Variants in HTT observed in about 807,000 individuals in gnomAD.
The protein encoded by HTT is huntington disease protein.
HTT carries 104 observed loss-of-function variants against 362.3 expected under a neutral mutation model. The observed-to-expected ratio is 0.29, with a 90% CI of 0.24 to 0.34. The LOEUF (loss-of-function observed/expected upper bound fraction) is 0.34, where lower values mean the gene tolerates loss of function less well. Ranked by LOEUF, HTT falls within the 10% of genes least tolerant of loss-of-function variation. The probability of loss-of-function intolerance (pLI) is 1.00; values close to 1 mark genes in which losing one functional copy is unlikely to be tolerated. For missense variants in HTT, 3,301 were observed against 3,928.6 expected (o/e 0.84, Z 4.27); for synonymous variants, 1,577 against 1,548.7 (o/e 1.02, Z -0.43).
intron 26 of HTT, among the ~76,000 whole-genome samples, chr4:3,151,444 T>G (rs930411281): frequency 6.6e-6 from 1 of 151,682 alleles, no homozygotes; most frequent in African/African-American, 2.4e-5. Context: ...GGGGAGTTGC[T>G]ACACAAAGGA....
chr4:3,224,736 G>C (rs1377036179), intron 56 of HTT, among the ~76,000 whole-genome samples: 3 of 152,246 alleles, frequency 2.0e-5, no homozygotes, highest in African/African-American at 2.4e-5. Context: ...TAGCTATTTA[G>C]GAGTTTAAGC....
chr4:3,116,030 G>A lies in HTT; in HGVS notation c.890-55G>A, dbSNP rs1020795763. ...CTCTTCTTTTTTAACAGATTAAGCC[G>A]GGAATCTCCAAACAGTGAGTCAGAT... On this transcript the variant is annotated intron_variant, in intron 7 of 66. Coordinates refer to ENST00000355072, the MANE Select transcript of HTT (RefSeq NM_001388492.1). 7.2e-5 allele frequency: 106 copies of A among 1,479,470 alleles called. No homozygotes were observed. The African/African-American group carries it at 1.1e-3, about 15-fold the overall frequency. The allele number at this position is 1,479,470 out of a possible 1,614,324, so 91.6% of individuals were successfully genotyped here.
rs531331503 is a variant in HTT at position 3,220,588 on chromosome 4, C to G, written c.7369+280C>G. On this transcript the variant is annotated intron_variant, in intron 53 of 66. Coordinates refer to ENST00000355072, the MANE Select transcript of HTT (RefSeq NM_001388492.1). ...TTCATGTGTAGTGGACAACGTGAGACCAAATTCTGCCTTAGATTTTGCATT... is the reference window on the plus strand; with the variant it reads ...TTCATGTGTAGTGGACAACGTGAGAGCAAATTCTGCCTTAGATTTTGCATT... Among the ~76,000 whole-genome samples the G allele has an allele frequency of 4.3e-4, 65 of 152,224 alleles. 2 individuals carry two copies. Among genetic ancestry groups the G allele is most frequent in the Middle Eastern group, 3.4e-3 (1 of 294 alleles).
At chr4:3,239,716 C>T (rs573001374) in intron 66 of HTT, 130 bp from the exon 67 acceptor site, 29 of 705,896 alleles carry the variant, frequency 4.1e-5, no homozygotes, top group African/African-American at 3.4e-4. Context: ...GTGGCCCTTC[C>T]GGGGCTCTGC....
Position 3,240,041 on chromosome 4 carries a change from C to G in HTT, c.9411C>G (p.His3137Gln). ...TGCTGACTTGTTTACGAAATGTCCA[C>G]AAGGTCACCACCTGCTGAGCGCCAT... ...HRLLTCLRNV[H>Q]KVTTC is the part of the protein sequence containing the mutation. Residue 3137 changes from histidine to glutamine, a missense_variant, in exon 67 of 67, where the codon CAC becomes CAG. By Grantham distance (24) the His-to-Gln change is conservative (BLOSUM62 0). Transcript: ENST00000355072. The G allele has an allele frequency of 1.9e-6, 3 of 1,591,782 alleles. No individual in the cohort carries two copies.
chr4:3,173,015 G>C lies in HTT; in HGVS notation c.4050G>C (p.Val1350=). The change falls in exon 31 of 67, where the codon GTG becomes GTC. Residue 1350 remains valine, a synonymous_variant. Transcript: ENST00000355072. ...GRAQRLGSSS[V]RPGLYHYCFM... ...CACAGCGCCTTGGCTCCTCCAGTGT[G>C]AGGCCAGGCTTGTACCACTACTGCT... is the stretch of plus-strand genomic sequence containing the variant. 1.2e-6 allele frequency: 2 copies of C among 1,614,158 alleles called. No homozygotes were observed. Among genetic ancestry groups the C allele is most frequent in the Non-Finnish European group, 1.7e-6 (2 of 1,180,034 alleles).
chr4:3,111,734 C>G (rs1714762603), intron 6 of HTT, among the ~76,000 whole-genome samples: 1 of 152,118 alleles, frequency 6.6e-6, no homozygotes, highest in Non-Finnish European at 1.5e-5. Flanking sequence ...CCCTCTCAAT[C>G]TTTGCCGGAG....
At chr4:3,182,032 T>C (rs900700044) in intron 36 of HTT, among the ~76,000 whole-genome samples, 2 of 152,280 alleles carry the variant, frequency 1.3e-5, no homozygotes, top group Non-Finnish European at 2.9e-5. Context: ...AAGATTAATA[T>C]ACATTTGATT....
intron 41 of HTT, 106 bp from the exon 42 acceptor site, chr4:3,203,901 A>G: frequency 9.3e-7 from 1 of 1,080,952 alleles, no homozygotes; most frequent in Non-Finnish European, 1.4e-6. Context: ...ATTTAAAACA[A>G]CTTGTCTGTT....
chr4:3,085,954 TCCCAGCTATTTG>T (rs1713187633), intron 1 of HTT, among the ~76,000 whole-genome samples: 1 of 152,194 alleles, frequency 6.6e-6, no homozygotes, highest in African/African-American at 2.4e-5. Context: ...GGAGGCTTAT[TCCCAGCTATTTG>T]GGGACATAGA....
At chr4:3,089,408 C>A (rs1578488294) in intron 2 of HTT, among the ~76,000 whole-genome samples, 2 of 152,180 alleles carry the variant, frequency 1.3e-5, no homozygotes, top group African/African-American at 2.4e-5. Flanking sequence ...CACCCGCCAC[C>A]ATGCCTGGCT....
chr4:3,233,803 C>A (rs1721377682), intron 61 of HTT, among the ~76,000 whole-genome samples: 1 of 152,216 alleles, frequency 6.6e-6, no homozygotes, highest in Non-Finnish European at 1.5e-5. Context: ...ACACACGTGT[C>A]CTTGACAAAG....
At chr4:3,196,209 G>A (rs551931166) in intron 40 of HTT, among the ~76,000 whole-genome samples, 3 of 152,204 alleles carry the variant, frequency 2.0e-5, no homozygotes, top group East Asian at 3.9e-4. Context: ...CTTGCTCTCC[G>A]CAGAGAGAGT....
At chr4:3,145,360 A>AT in intron 24 of HTT, 132 bp downstream of exon 24, 1 of 686,366 alleles carries the variant, frequency 1.5e-6, no homozygotes, top group East Asian at 2.6e-5. Flanking sequence ...ATCTGATGGA[A>AT]TACTTGTTTC....
In HTT at chr4:3,229,065, GCCACACACC is replaced by G. The variant is rs1024822321; in HGVS notation, c.8109+65_8109+73del. The G allele has an allele frequency of 6.5e-6, 10 of 1,540,020 alleles. No homozygotes were observed. The African/African-American group carries it at 9.7e-5, about 15-fold the overall frequency. The stretch of plus-strand genomic sequence containing the variant: ...TGCACGTGCCACACGCACCACACAC[GCCACACACC>G]CCACACACACACACCGCCCACACAC... On this transcript the variant is annotated intron_variant, in intron 59 of 66. Coordinates refer to ENST00000355072, the MANE Select transcript of HTT (RefSeq NM_001388492.1).
At chr4:3,101,357 A>T (rs1714145198) in intron 3 of HTT, among the ~76,000 whole-genome samples, 1 of 151,820 alleles carries the variant, frequency 6.6e-6, no homozygotes, top group Non-Finnish European at 1.5e-5. Flanking sequence ...GTTTCCAGCC[A>T]TTTCTCCCTT....
chr4:3,172,595 C>T (rs1718043901), intron 30 of HTT, among the ~76,000 whole-genome samples, 198 bp downstream of exon 30: 2 of 152,198 alleles, frequency 1.3e-5, no homozygotes, highest in African/African-American at 4.8e-5. Flanking sequence ...CGAGGTCTGT[C>T]ACTGTGGAGG....
chr4:3,208,776 C>T lies in HTT; in HGVS notation c.6156C>T (p.His2052=). ...YLQSSGLAQR[H]QRLYSLLDRF... is the part of the protein sequence containing the mutation. Reference sequence around the variant, plus strand: ...TTCATTTTTATTTGTATTTTAGACACCAAAGGCTCTATTCCCTGCTGGACA... The same window carrying T: ...TTCATTTTTATTTGTATTTTAGACATCAAAGGCTCTATTCCCTGCTGGACA... Residue 2052 remains histidine (H), a synonymous_variant, in exon 46 of 67, where the codon CAC becomes CAT. Coordinates refer to ENST00000355072, the MANE Select transcript of HTT (RefSeq NM_001388492.1). 6.2e-7 allele frequency: 1 copy of T among 1,601,908 alleles called. No homozygotes were observed. Among genetic ancestry groups the T allele is most frequent in the Non-Finnish European group, 8.5e-7 (1 of 1,176,520 alleles).
At chr4:3,080,003 G>A (rs1037100225) in intron 1 of HTT, among the ~76,000 whole-genome samples, 1 of 152,180 alleles carries the variant, frequency 6.6e-6, no homozygotes. Flanking sequence ...AAATCCTGCT[G>A]CAATAGCTTA....
Sources: gnomAD v4.1 joint callset for allele counts (sites outside exome capture counted in the v4.1 genomes callset) on GRCh38, gnomAD v4.1.1 for gene constraint, MANE v1.5 for transcripts, NCBI Gene and HGNC (gene_info 2026-07-23, HGNC 2026-07-21) for gene names.